NEK4: variants seen among roughly 807,000 people sequenced by gnomAD.
NEK4 encodes the protein serine/threonine-protein kinase Nek4.
Under a neutral mutation model 98.4 loss-of-function variants are expected in NEK4, and 86 were observed. That is an observed-to-expected ratio of 0.87 (90% confidence interval 0.73 to 1.05). The LOEUF (loss-of-function observed/expected upper bound fraction) is 1.05, where lower values mean the gene tolerates loss of function less well. Among genes scored for constraint, NEK4 ranks in the 50% least tolerant of loss-of-function variants. The pLI is 0.00. For missense variants in NEK4, 898 were observed against 950.3 expected, an observed-to-expected ratio of 0.94 and a Z score of 0.72; for synonymous variants, 328 against 342.2, an observed-to-expected ratio of 0.96 and a Z score of 0.46.
intron 12 of NEK4, among the ~76,000 whole-genome samples, chr3:52,741,850 G>A (rs1308301509): frequency 6.6e-6 from 1 of 152,052 alleles, no homozygotes; most frequent in Non-Finnish European, 1.5e-5. Flanking sequence ...CACGATCTCG[G>A]CTCACAGCAA....
At chr3:52,724,918 A>G (rs1330102128) in intron 15 of NEK4, among the ~76,000 whole-genome samples, 1 of 152,216 alleles carries the variant, frequency 6.6e-6, no homozygotes, top group Non-Finnish European at 1.5e-5. Flanking sequence ...ATCACATTGT[A>G]CTCTATAAAT....
At chr3:52,719,413 G>A (rs946643995) in intron 15 of NEK4, among the ~76,000 whole-genome samples, 7 of 151,874 alleles carry the variant, frequency 4.6e-5, no homozygotes, top group East Asian at 3.9e-4. Context: ...GTGAAACCCC[G>A]TCTCTACTAA....
intron 15 of NEK4, among the ~76,000 whole-genome samples, chr3:52,732,223 C>T (rs1236316124): frequency 6.6e-6 from 1 of 152,072 alleles, no homozygotes; most frequent in Non-Finnish European, 1.5e-5. Flanking sequence ...GAGACACAGT[C>T]TCTCTCAGTT....
chr3:52,768,267 T>C, intron 2 of NEK4, 71 bp downstream of exon 2: 1 of 1,446,680 alleles, frequency 6.9e-7, no homozygotes, highest in Non-Finnish European at 9.4e-7. Context: ...GAAGAAAAAT[T>C]TTCCTAAAAT....
Position 52,708,621 on chromosome 3 carries a change from C to G in NEK4, c.*3156G>C, listed in dbSNP as rs1021390169. 2 of 152,108 alleles carry G rather than the reference C, an allele frequency of 1.3e-5. No individual in the cohort carries two copies. Among genetic ancestry groups the G allele is most frequent in the Non-Finnish European group, 2.9e-5 (2 of 68,012 alleles). 9.4% of individuals were successfully genotyped at this position (152,108 alleles called of 1,614,324 possible). A position where few individuals can be genotyped will look rare whatever the true frequency, so the allele number is the denominator to read the frequency against. On this transcript the variant is annotated 3_prime_UTR_variant, in exon 16 of 16. Transcript: ENST00000233027. ...ATAAAACATTTCCATCACAAAGTTC[C>G]ATTTATCAGATCTTATATAGAACCT...
chr3:52,734,782 C>T, intron 15 of NEK4: 1 of 257,798 alleles, frequency 3.9e-6, no homozygotes, highest in Non-Finnish European at 7.7e-6. Context: ...TCAACCCTCC[C>T]AAAACTGTTG....
chr3:52,757,081 T>C (rs2154105876), intron 6 of NEK4, among the ~76,000 whole-genome samples: 1 of 152,258 alleles, frequency 6.6e-6, no homozygotes, highest in East Asian at 1.9e-4. Flanking sequence ...TGGCTATTAC[T>C]AAAAAATCCC....
Position 52,770,645 on chromosome 3 carries a change from C to G in NEK4, c.93+9G>C, listed in dbSNP as rs1281792601. ...CCCCCGCCCCTTGCCGGGCCCCACC[C>G]CTGCAGACCTGCTTGCCGTCCCGCC... is the stretch of plus-strand genomic sequence containing the variant. On this transcript the variant is annotated intron_variant, in intron 1 of 15. Transcript: ENST00000233027. 6.5e-7 allele frequency: 1 copy of G among 1,547,794 alleles called. No individual in the cohort carries two copies. The highest frequency in any genetic ancestry group is 1.2e-5 in the South Asian group (1 of 84,030).
intron 10 of NEK4, among the ~76,000 whole-genome samples, chr3:52,744,531 A>C (rs990650461): frequency 6.6e-6 from 1 of 151,974 alleles, no homozygotes; most frequent in African/African-American, 2.4e-5. Flanking sequence ...TAAAAATACA[A>C]AAATTAGCCG....
At chr3:52,748,997 G>A (rs776087592) in intron 8 of NEK4, among the ~76,000 whole-genome samples, 7 of 152,076 alleles carry the variant, frequency 4.6e-5, no homozygotes, top group Admixed American at 1.3e-4. Flanking sequence ...TAAGATTGGA[G>A]GATCACTTGA....
At chr3:52,719,782 T>C (rs2097358496) in intron 15 of NEK4, among the ~76,000 whole-genome samples, 1 of 151,812 alleles carries the variant, frequency 6.6e-6, no homozygotes, top group Non-Finnish European at 1.5e-5. Context: ...GTACAATAAC[T>C]GAAAAGAAAA....
chr3:52,770,629 C>CCA, intron 1 of NEK4, 25 bp downstream of exon 1: 3 of 1,507,500 alleles, frequency 2.0e-6, no homozygotes, highest in Non-Finnish European at 2.7e-6. Context: ...GCCCCCGCCC[C>CCA]TTGCCGGGCC....
At chr3:52,745,753 T>G (rs2154104426) in intron 10 of NEK4, among the ~76,000 whole-genome samples, 1 of 152,276 alleles carries the variant, frequency 6.6e-6, no homozygotes, top group East Asian at 1.9e-4. Context: ...GACAGGTTAT[T>G]GCTCTGTCAC....
chr3:52,711,954 A>G (rs181011565), intron 15 of NEK4, 85 bp from the exon 16 acceptor site: 440 of 728,640 alleles, frequency 6.0e-4, no homozygotes, highest in Non-Finnish European at 9.0e-4. Flanking sequence ...TTTTCTAAGC[A>G]TGGTATCCAA....
chr3:52,743,494 T>C (rs1468285102), intron 11 of NEK4, 33 bp from the exon 12 acceptor site: 7 of 1,546,944 alleles, frequency 4.5e-6, no homozygotes, highest in Non-Finnish European at 6.3e-6. Flanking sequence ...TAGTTGTTTG[T>C]GGTGGGCTGC....
chr3:52,755,447 C>T (rs368878646), intron 6 of NEK4, among the ~76,000 whole-genome samples: 1 of 151,614 alleles, frequency 6.6e-6, no homozygotes, highest in Non-Finnish European at 1.5e-5. Flanking sequence ...ATCATCAACA[C>T]CCTTATGTGA....
chr3:52,746,271 A>G (rs1373543544), intron 9 of NEK4, 61 bp from the exon 10 acceptor site: 14 of 1,479,070 alleles, frequency 9.5e-6, no homozygotes, highest in Non-Finnish European at 2.8e-6. Flanking sequence ...ATGTTCCCCT[A>G]TCAGCAGGTT....
rs1427977406 is a variant in NEK4, at chr3:52,760,910, T to C, written c.848A>G (p.Asn283Ser). Residue 283 changes from asparagine to serine, a missense_variant, in exon 6 of 16, where the codon AAT (asparagine) becomes AGT (serine). Physicochemically the swap from Asn to Ser is conservative, Grantham distance 46. Transcript: ENST00000233027. Reference sequence around the variant, plus strand: ...AAAAGGCTTGGATTGAGAGTCACCATTTTTAATGTTATTTTTGGAGGTTTT... The same window carrying C: ...AAAAGGCTTGGATTGAGAGTCACCACTTTTAATGTTATTTTTGGAGGTTTT... Reference protein sequence around the residue: ...KIKTSKNNIKNGDSQSKPFAT... With the variant: ...KIKTSKNNIKSGDSQSKPFAT... The C allele has an allele frequency of 1.3e-6, 2 of 1,584,734 alleles. No individual in the cohort carries two copies. The highest frequency in any genetic ancestry group is 1.4e-5 in the African/African-American group (1 of 73,340).
chr3:52,752,929 T>TACACACACACACACAC (rs1215610708), intron 6 of NEK4, among the ~76,000 whole-genome samples: 15 of 49,726 alleles, frequency 3.0e-4, no homozygotes, highest in African/African-American at 5.6e-4. Context: ...TATATATATA[T>TACACACACACACACAC]ATATACACAC....
Sources: gnomAD v4.1 joint callset for allele counts (sites outside exome capture counted in the v4.1 genomes callset) on GRCh38, gnomAD v4.1.1 for gene constraint, MANE v1.5 for transcripts, NCBI Gene and HGNC (gene_info 2026-07-23, HGNC 2026-07-21) for gene names.